Variants in ITGAM observed in about 807,000 individuals in gnomAD.
ITGAM encodes the protein integrin alpha-M.
Under a neutral mutation model 137.5 loss-of-function variants are expected in ITGAM, and 79 were observed. The ratio of observed to expected loss-of-function variants is 0.57; its 90% CI spans 0.48 to 0.69. The LOEUF is 0.69. Ranked by LOEUF, ITGAM falls within the 30% of genes least tolerant of loss-of-function variation. The probability of loss-of-function intolerance (pLI) is 0.00; values close to 1 mark genes in which losing one functional copy is unlikely to be tolerated. For missense variants in ITGAM, 1,343 were observed against 1,483.5 expected, an observed-to-expected ratio of 0.91 and a Z score of 1.56; for synonymous variants, 583 against 592.3, an observed-to-expected ratio of 0.98 and a Z score of 0.23.
chr16:31,317,258 A>T (rs1712086780), intron 14 of ITGAM, among the ~76,000 whole-genome samples: 1 of 152,060 alleles, frequency 6.6e-6, no homozygotes, highest in African/African-American at 2.4e-5. Context: ...TATCATGTTG[A>T]TGTAATTTCC....
At chr16:31,291,888 C>G (rs2080090756) in intron 12 of ITGAM, among the ~76,000 whole-genome samples, 1 of 151,964 alleles carries the variant, frequency 6.6e-6, no homozygotes, top group Non-Finnish European at 1.5e-5. Flanking sequence ...AGTAGGGTGA[C>G]TATAGTTAAC....
At chr16:31,313,185 G>A (rs952112400) in intron 14 of ITGAM, among the ~76,000 whole-genome samples, 1 of 151,886 alleles carries the variant, frequency 6.6e-6, no homozygotes. Context: ...ACCACTGCAC[G>A]CCAGCCTGGC....
At chr16:31,280,199 AGGATTGACTT>A (rs1446247388) in intron 12 of ITGAM, among the ~76,000 whole-genome samples, 1 of 152,212 alleles carries the variant, frequency 6.6e-6, no homozygotes, top group African/African-American at 2.4e-5. Context: ...CTTTTGGCTT[AGGATTGACTT>A]GGCAATGTGG....
intron 23 of ITGAM, among the ~76,000 whole-genome samples, chr16:31,328,752 G>C (rs530806931): frequency 9.6e-5 from 14 of 146,066 alleles, no homozygotes; most frequent in Admixed American, 9.6e-4. Flanking sequence ...ATGTCTGAAG[G>C]TCTATGTGCA....
chr16:31,331,287 T>C lies in ITGAM; in HGVS notation c.3387+12T>C, dbSNP rs7188189. ...CCGCGCTGTACAAGGTGCTCCCCGCTGCTCCCCCACCCCCTCCCTTCATCC... is the reference window on the plus strand; with the variant it reads ...CCGCGCTGTACAAGGTGCTCCCCGCCGCTCCCCCACCCCCTCCCTTCATCC... On this transcript the variant is annotated intron_variant, in intron 29 of 29. Transcript: ENST00000544665. 0.93 allele frequency: 1,418,284 copies of C among 1,530,182 alleles called. 657,932 individuals are homozygous for C. Among genetic ancestry groups the C allele is most frequent in the East Asian group, 1 (44,237 of 44,256 alleles). 94.8% of individuals were successfully genotyped at this position (1,530,182 alleles called of 1,614,324 possible). A position where few individuals can be genotyped will look rare whatever the true frequency, so the allele number is the denominator to read the frequency against.
intron 12 of ITGAM, among the ~76,000 whole-genome samples, chr16:31,292,194 A>G (rs1045402347): frequency 2.6e-5 from 4 of 152,146 alleles, no homozygotes; most frequent in Non-Finnish European, 4.4e-5. Context: ...ATCTTGATAC[A>G]TACCATTAAG....
chr16:31,330,153 G>T lies in ITGAM; in HGVS notation c.3049G>T (p.Ala1017Ser), dbSNP rs1254363908. The T allele has an allele frequency of 1.9e-6, 3 of 1,613,362 alleles. No individual in the cohort carries two copies. Among genetic ancestry groups the T allele is most frequent in the Non-Finnish European group, 2.5e-6 (3 of 1,179,628 alleles). The change falls in exon 26 of 30, where the codon GCC becomes TCC. Residue 1017 changes from alanine to serine, a missense_variant. By Grantham distance (99) the Ala-to-Ser change is moderately conservative. Transcript: ENST00000544665. ...HSDFLAELRK[A>S]PVVNCSIAVC... ...CGACTTTCTGGCTGAGCTTCGGAAG[G>T]CCCCCGTGGTGGTGAGAAGCTAAGT...
chr16:31,324,905 C>T lies in ITGAM; in HGVS notation c.2290-53C>T. 1 of 1,551,950 alleles carries T rather than the reference C, an allele frequency of 6.4e-7. No homozygotes were observed. Among genetic ancestry groups the T allele is most frequent in the Non-Finnish European group, 8.7e-7 (1 of 1,143,540 alleles). On this transcript the variant is annotated intron_variant, in intron 18 of 29. Coordinates refer to ENST00000544665, the MANE Select transcript of ITGAM (RefSeq NM_000632.4). The surrounding 1 kb of genome is among the most constrained non-coding windows in gnomAD (Gnocchi z 4.5). ...CATTTGATTTTATTGTTTAATTTCACAATACTTGGTTATTTTCTTTCCTTT... is the reference window on the plus strand; with the variant it reads ...CATTTGATTTTATTGTTTAATTTCATAATACTTGGTTATTTTCTTTCCTTT...
At chr16:31,320,092 G>A (rs1257891808) in intron 14 of ITGAM, among the ~76,000 whole-genome samples, 2 of 152,146 alleles carry the variant, frequency 1.3e-5, no homozygotes, top group Non-Finnish European at 2.9e-5. Context: ...GATTACAGGT[G>A]TAAGCCACGT....
At chr16:31,311,422 T>A (rs1326521964) in intron 14 of ITGAM, among the ~76,000 whole-genome samples, 1 of 151,876 alleles carries the variant, frequency 6.6e-6, no homozygotes, top group Non-Finnish European at 1.5e-5. Context: ...TACAATGAAC[T>A]CAAACAAATT....
intron 14 of ITGAM, among the ~76,000 whole-genome samples, chr16:31,314,397 A>G (rs1487463127): frequency 2.0e-5 from 3 of 152,020 alleles, no homozygotes; most frequent in African/African-American, 7.2e-5. Flanking sequence ...ATCTTAAGTT[A>G]ATTTTTATAT....
chr16:31,260,074 A>G lies in ITGAM; in HGVS notation c.10A>G (p.Arg4Gly). Reference protein sequence around the residue: MALRVLLLTALTLC... With the variant: MALGVLLLTALTLC... The stretch of plus-strand genomic sequence containing the variant: ...CTGGCTCCTTCCAGCCATGGCTCTC[A>G]GAGTCCTTCTGTTAACAGGTGCATG... Residue 4 changes from arginine (R) to glycine (G), a missense_variant, in exon 1 of 30, where the codon AGA (arginine) becomes GGA (glycine). By Grantham distance (125) the Arg-to-Gly change is moderately radical (BLOSUM62 -2). Transcript: ENST00000544665. 7.5e-7 allele frequency: 1 copy of G among 1,328,796 alleles called. No individual in the cohort carries two copies. The highest frequency in any genetic ancestry group is 1.0e-6 in the Non-Finnish European group (1 of 1,002,492). 82.3% of individuals were successfully genotyped at this position (1,328,796 alleles called of 1,614,324 possible).
intron 12 of ITGAM, among the ~76,000 whole-genome samples, chr16:31,287,546 A>G (rs1350857800): frequency 6.6e-6 from 1 of 151,912 alleles, no homozygotes; most frequent in Non-Finnish European, 1.5e-5. Context: ...ATTTCTTTCA[A>G]CAGTGTATTT....
At chr16:31,329,765 G>A (rs1415030280) in intron 24 of ITGAM, 33 bp from the exon 25 acceptor site, 17 of 1,532,462 alleles carry the variant, frequency 1.1e-5, no homozygotes, top group Admixed American at 2.0e-5. Flanking sequence ...GGGGAGGAAG[G>A]CCAGAGCCCT....
chr16:31,262,869 A>T (rs2079721120), intron 2 of ITGAM, among the ~76,000 whole-genome samples: 1 of 152,164 alleles, frequency 6.6e-6, no homozygotes, highest in Admixed American at 6.5e-5. Context: ...ATCTCCCATA[A>T]TACAGCCCAG....
chr16:31,270,899 A>C, intron 5 of ITGAM, 55 bp from the exon 6 acceptor site: 1 of 1,336,174 alleles, frequency 7.5e-7, no homozygotes, highest in Non-Finnish European at 9.8e-7. Flanking sequence ...ATGCAAAAAA[A>C]CCCAAAACAC....
Position 31,331,927 on chromosome 16 carries a change from G to A in ITGAM, c.*220G>A, listed in dbSNP as rs546671084. Reference sequence around the variant, plus strand: ...CGTGTGCGTGCATGTGCACTTGCACGCCCATGTGTGAGTGTGTGCAAGTAT... The same window carrying A: ...CGTGTGCGTGCATGTGCACTTGCACACCCATGTGTGAGTGTGTGCAAGTAT... On this transcript the variant is annotated 3_prime_UTR_variant, in exon 30 of 30. Coordinates refer to ENST00000544665, the MANE Select transcript of ITGAM (RefSeq NM_000632.4). The A allele has an allele frequency of 1.3e-3, 737 of 566,148 alleles. 5 individuals are homozygous for A. The highest frequency in any genetic ancestry group is 3.8e-3 in the Middle Eastern group (8 of 2,130). 35.1% of individuals were successfully genotyped at this position (566,148 alleles called of 1,614,324 possible). A position where few individuals can be genotyped will look rare whatever the true frequency, so the allele number is the denominator to read the frequency against.
intron 28 of ITGAM, 123 bp downstream of exon 28, chr16:31,330,728 A>G: frequency 1.5e-6 from 1 of 675,332 alleles, no homozygotes; most frequent in Non-Finnish European, 2.5e-6. Flanking sequence ...ACAGAGAGAC[A>G]GAGAGATACA....
chr16:31,328,322 G>A, intron 23 of ITGAM, 92 bp downstream of exon 23: 1 of 975,442 alleles, frequency 1.0e-6, no homozygotes, highest in Non-Finnish European at 1.6e-6. Context: ...GCATGTGTGT[G>A]TGTGTGAGAG....
Sources: allele counts gnomAD v4.1 joint callset (sites outside exome capture counted in the v4.1 genomes callset), GRCh38; gene constraint gnomAD v4.1.1; non-coding constraint Gnocchi (gnomAD v3.1); transcripts MANE v1.5; gene names NCBI Gene and HGNC (gene_info 2026-07-23, HGNC 2026-07-21).